The following BRSK2 variants were observed in gnomAD, a reference collection of about 807,000 sequenced individuals.
The protein encoded by BRSK2 is BR serine/threonine kinase 2, also known as serine/threonine-protein kinase BRSK2.
BRSK2 carries 19 observed loss-of-function variants against 83.3 expected under a neutral mutation model. The observed-to-expected ratio is 0.23, with a 90% confidence interval of 0.16 to 0.33. The LOEUF (loss-of-function observed/expected upper bound fraction) is 0.33, where lower values mean the gene tolerates loss of function less well. Among genes scored for constraint, BRSK2 ranks in the 10% least tolerant of loss-of-function variants. The pLI is 1.00. For synonymous variants in BRSK2, 519 were observed against 435.4 expected, an observed-to-expected ratio of 1.19 and a Z score of -2.39; for missense variants, 798 against 1,042.3, an observed-to-expected ratio of 0.77 and a Z score of 3.23.
chr11:1,458,134 C>T (rs1021817225), intron 18 of BRSK2, among the ~76,000 whole-genome samples: 1 of 152,088 alleles, frequency 6.6e-6, no homozygotes. Flanking sequence ...TCTGGTAGGG[C>T]AAGCAGAAAC....
Position 1,454,225 on chromosome 11 carries a change from T to A in BRSK2, c.1545-260T>A, listed in dbSNP as rs571096055. ...CCCAGACTTGGGAGTGGGTGGCATA[T>A]GGGCCAGGGTCAGGGCGTTAGGGCT... On this transcript the variant is annotated intron_variant, in intron 15 of 19. Transcript: ENST00000528841. This position sits in a 1 kb window ranked among gnomAD's most constrained non-coding sequence, Gnocchi z 5.2. 3.1e-6 allele frequency: 1 copy of A among 324,178 alleles called. No individual in the cohort carries two copies. Among genetic ancestry groups the A allele is most frequent in the African/African-American group, 2.5e-5 (1 of 40,170 alleles). 20.1% of individuals were successfully genotyped at this position (324,178 alleles called of 1,614,324 possible). A position where few individuals can be genotyped will look rare whatever the true frequency, so the allele number is the denominator to read the frequency against.
intron 12 of BRSK2, chr11:1,447,994 C>A: frequency 1.1e-6 from 1 of 949,332 alleles, no homozygotes. Flanking sequence ...TGAAGCCAGC[C>A]AGCAAGCCAG....
chr11:1,449,447 C>T (rs1845533718), intron 12 of BRSK2, among the ~76,000 whole-genome samples: 1 of 152,200 alleles, frequency 6.6e-6, no homozygotes, highest in Non-Finnish European at 1.5e-5. Context: ...ACAGGAAGCT[C>T]CCGTCTGTCC....
At position 1,450,663 on chromosome 11, in the gene BRSK2, G is replaced by C. The variant is rs1025462381; in HGVS notation, c.1364G>C (p.Ser455Thr). 6.2e-7 allele frequency: 1 copy of C among 1,609,220 alleles called. No homozygotes were observed. Among genetic ancestry groups the C allele is most frequent in the Non-Finnish European group, 8.5e-7 (1 of 1,178,718 alleles). ...ACACCTGTCCACACGCCAAAGGAGA[G>C]CCCGGCTGGCACGCCCAACCCCACG... ...KGTPVHTPKESPAGTPNPTPP... is the reference protein window; with the variant it reads ...KGTPVHTPKETPAGTPNPTPP... Residue 455 changes from serine to threonine, a missense_variant, in exon 14 of 20, where the codon AGC becomes ACC. This residue lies in a region of BRSK2 where 455 missense variants were observed against 455.2 expected (regional missense o/e 1.00). Coordinates refer to ENST00000528841, the MANE Select transcript of BRSK2 (RefSeq NM_001256627.2).
chr11:1,442,313 G>C, intron 4 of BRSK2, 177 bp from the exon 5 acceptor site: 1 of 557,718 alleles, frequency 1.8e-6, no homozygotes, highest in Non-Finnish European at 3.3e-6. Context: ...GAGCCAAACG[G>C]ACCAGGCAGG....
Position 1,445,951 on chromosome 11 carries a change from G to A in BRSK2, c.1226+44G>A, listed in dbSNP as rs375679585. ...TGCTGGGCCTCCCTCCCTGGGCCCT[G>A]GCTGCGCGGCACTGCCGCCTGGCTC... is the stretch of plus-strand genomic sequence containing the variant. On this transcript the variant is annotated intron_variant, in intron 12 of 19. Transcript: ENST00000528841. 8.3e-6 allele frequency: 13 copies of A among 1,560,560 alleles called. No individual in the cohort carries two copies. The African/African-American group carries it at 1.5e-4, about 18-fold the overall frequency.
At chr11:1,409,476 G>A (rs1432341454) in intron 1 of BRSK2, 2 of 152,362 alleles carry the variant, frequency 1.3e-5, no homozygotes, top group Middle Eastern at 3.4e-3. Flanking sequence ...CCAGTTCACC[G>A]GGGCTCCCCT....
chr11:1,418,884 A>G (rs1354691691), intron 1 of BRSK2, among the ~76,000 whole-genome samples: 1 of 152,250 alleles, frequency 6.6e-6, no homozygotes, highest in Non-Finnish European at 1.5e-5. Flanking sequence ...GCTCTAACAC[A>G]TATCCAAGGG....
rs1482556123 is a variant in BRSK2 at position 1,450,803 on chromosome 11, C to G, written c.1495+9C>G. ...CCGCCGGAAACTGCAAGGTGAGTGTCTGCCCGGAGGCGCCAGAGTGGGGCT... is the reference window on the plus strand; with the variant it reads ...CCGCCGGAAACTGCAAGGTGAGTGTGTGCCCGGAGGCGCCAGAGTGGGGCT... On this transcript the variant is annotated intron_variant, in intron 14 of 19. Transcript: ENST00000528841. 1 of 1,587,264 alleles carries G rather than the reference C, an allele frequency of 6.3e-7. No individual in the cohort carries two copies. The highest frequency in any genetic ancestry group is 1.4e-5 in the African/African-American group (1 of 73,404).
Position 1,390,625 on chromosome 11 carries a change from C to G in BRSK2, c.91+250C>G, listed in dbSNP as rs1286675611. Among the ~76,000 whole-genome samples the G allele has an allele frequency of 6.9e-6, 1 of 144,842 alleles. No individual in the cohort carries two copies. Among genetic ancestry groups the G allele is most frequent in the African/African-American group, 2.5e-5 (1 of 40,432 alleles). On this transcript the variant is annotated intron_variant, in intron 1 of 19. Coordinates refer to ENST00000528841, the MANE Select transcript of BRSK2 (RefSeq NM_001256627.2). The surrounding 1 kb of genome is among the most constrained non-coding windows in gnomAD (Gnocchi z 6.8). ...CGCGGCGCGGCGCGGGGCGCGCAGG[C>G]GGACAGGGGCGCACGGGACGGCGCC...
At chr11:1,445,193 T>A in intron 9 of BRSK2, 101 bp from the exon 10 acceptor site, 1 of 1,495,986 alleles carries the variant, frequency 6.7e-7, no homozygotes, top group Non-Finnish European at 9.0e-7. Flanking sequence ...ACAGGGAGAG[T>A]GGCAGGATGA....
At chr11:1,449,701 G>T in intron 12 of BRSK2, 75 bp from the exon 13 acceptor site, 1 of 1,340,454 alleles carries the variant, frequency 7.5e-7, no homozygotes, top group Non-Finnish European at 1.0e-6. Context: ...GGTTTACCTG[G>T]GGGGAGCAGA....
chr11:1,454,627 G>A lies in BRSK2; in HGVS notation c.1668+19G>A, dbSNP rs1365913712. ...CCTGTCGGTGAGGCCACAGGGCGCTGGGGGAGGCGGGCAGCCCTCCCAACC... is the reference window on the plus strand; with the variant it reads ...CCTGTCGGTGAGGCCACAGGGCGCTAGGGGAGGCGGGCAGCCCTCCCAACC... On this transcript the variant is annotated intron_variant, in intron 16 of 19. Transcript: ENST00000528841. The surrounding 1 kb of genome is among the most constrained non-coding windows in gnomAD (Gnocchi z 5.2). The A allele has an allele frequency of 2.5e-6, 4 of 1,611,306 alleles. No individual in the cohort carries two copies. The African/African-American group carries it at 5.3e-5, about 22-fold the overall frequency.
At chr11:1,408,578 C>T (rs143851582) in intron 1 of BRSK2, among the ~76,000 whole-genome samples, 3,660 of 152,322 alleles carry the variant, frequency 0.024, 55 homozygotes, top group Non-Finnish European at 0.033. Flanking sequence ...CTCAAGGACA[C>T]CCCTGTGGCT....
chr11:1,456,392 G>A lies in BRSK2; in HGVS notation c.1713G>A (p.Arg571=). 6.3e-7 allele frequency: 1 copy of A among 1,599,964 alleles called. No homozygotes were observed. Among genetic ancestry groups the A allele is most frequent in the Non-Finnish European group, 8.5e-7 (1 of 1,173,900 alleles). The change falls in exon 17 of 20, where the codon CGG becomes CGA. Residue 571 remains arginine (R), a synonymous_variant. Transcript: ENST00000528841. The stretch of plus-strand genomic sequence containing the variant: ...GCGTCATCTCCCAAACGAGCTTCCG[G>A]GCCGAGTACAAGGCCACGGGGGGGC... ...SHSVISQTSF[R]AEYKATGGPA... is the part of the protein sequence containing the mutation.
In BRSK2 at chr11:1,450,790, G is replaced by A. The variant is rs1845723708; in HGVS notation, c.1491G>A (p.Leu497=). ...LGSPRFHRRK[L]QVPTPEEMSN... is the part of the protein sequence containing the mutation. The stretch of plus-strand genomic sequence containing the variant: ...CACCCCGCTTCCACCGCCGGAAACT[G>A]CAAGGTGAGTGTCTGCCCGGAGGCG... The change falls in exon 14 of 20, where the codon CTG becomes CTA. Residue 497 remains leucine (L), a synonymous_variant. Transcript: ENST00000528841. 3 of 1,592,660 alleles carry A rather than the reference G, an allele frequency of 1.9e-6. No individual in the cohort carries two copies. Among genetic ancestry groups the A allele is most frequent in the East Asian group, 2.3e-5 (1 of 43,942 alleles).
chr11:1,396,264 C>T (rs1386323578), intron 1 of BRSK2, among the ~76,000 whole-genome samples: 1 of 142,374 alleles, frequency 7.0e-6, no homozygotes. Context: ...GTCCCTCTTC[C>T]CTTCCACCCA....
At chr11:1,447,735 G>A (rs374541301) in intron 12 of BRSK2, 1 of 1,513,612 alleles carries the variant, frequency 6.6e-7, no homozygotes, top group East Asian at 2.4e-5. Flanking sequence ...CGGGCCCTGG[G>A]GGCCGACCTG....
intron 5 of BRSK2, 89 bp downstream of exon 5, chr11:1,442,695 C>T: frequency 9.1e-7 from 1 of 1,094,990 alleles, no homozygotes; most frequent in Non-Finnish European, 1.4e-6. Context: ...CCCAGCCTGC[C>T]TGAGCCTCCC....
Sources: gnomAD v4.1 joint callset for allele counts (sites outside exome capture counted in the v4.1 genomes callset) on GRCh38, gnomAD v4.1.1 for gene constraint, gnomAD v4.1.1 regional missense constraint, Gnocchi (gnomAD v3.1) non-coding constraint, MANE v1.5 for transcripts, NCBI Gene and HGNC (gene_info 2026-07-23, HGNC 2026-07-21) for gene names.